RUNDC1: variants seen among roughly 807,000 people sequenced by gnomAD.
RUNDC1 encodes RUN domain containing 1.
In RUNDC1, 31 loss-of-function variants were observed where a neutral mutation model predicts 49.3. That is an observed-to-expected ratio of 0.63 (90% CI 0.47 to 0.85). RUNDC1 has a LOEUF of 0.85. Ranked by LOEUF, RUNDC1 falls within the 40% of genes least tolerant of loss-of-function variation. The pLI, the probability that RUNDC1 is intolerant of heterozygous loss-of-function variation, is 0.00. For missense variants in RUNDC1, 715 were observed against 806.7 expected (o/e 0.89, Z 1.38); for synonymous variants, 347 against 348.6 (o/e 1.00, Z 0.05).
intron 3 of RUNDC1, among the ~76,000 whole-genome samples, 168 bp from the exon 4 acceptor site, chr17:42,990,149 A>G (rs2050219310): frequency 6.6e-6 from 1 of 152,200 alleles, no homozygotes; most frequent in African/African-American, 2.4e-5. Flanking sequence ...CACTTAGCAA[A>G]TATTTATTGA....
At position 42,989,997 on chromosome 17, in the gene RUNDC1, T is replaced by C. The variant is rs544393347; in HGVS notation, c.857-320T>C. ...TGATGGCTTAGTAGGGGAGGCAGCA[T>C]TGGCAGAGTAGAAAGTGCATGGGTT... On this transcript the variant is annotated intron_variant, in intron 3 of 4. Transcript: ENST00000361677. Among the ~76,000 whole-genome samples, 65 of 152,268 alleles carry C rather than the reference T, an allele frequency of 4.3e-4. 2 individuals are homozygous for C. In the South Asian group the frequency reaches 0.013, roughly 31 times the overall value.
rs570193634 is a variant in RUNDC1 at position 42,994,021 on chromosome 17, G to A, written c.*2305G>A. On this transcript the variant is annotated 3_prime_UTR_variant, in exon 5 of 5. Coordinates refer to ENST00000361677, the MANE Select transcript of RUNDC1 (RefSeq NM_173079.5). ...AGTACCGGCGCCTGCCACCACGCCTGGCTAATGTTTGTATTTTTAATAGAG... is the reference window on the plus strand; with the variant it reads ...AGTACCGGCGCCTGCCACCACGCCTAGCTAATGTTTGTATTTTTAATAGAG... Among the ~76,000 whole-genome samples, 1 of 152,274 alleles carries A rather than the reference G, an allele frequency of 6.6e-6. No individual in the cohort carries two copies. The highest frequency in any genetic ancestry group is 1.9e-4 in the East Asian group (1 of 5,176).
Position 42,989,520 on chromosome 17 carries a change from G to A in RUNDC1, c.837G>A (p.Met279Ile). Residue 279 changes from methionine to isoleucine, a missense_variant, in exon 3 of 5, where the codon ATG becomes ATA. Met to Ile is a conservative substitution (Grantham distance 10, BLOSUM62 1). Coordinates refer to ENST00000361677, the MANE Select transcript of RUNDC1 (RefSeq NM_173079.5). Reference sequence around the variant, plus strand: ...AAACTCAGATCCGAGACCTTGAGATGTTTATCAACTTCATCCAAGGTTAGA... The same window carrying A: ...AAACTCAGATCCGAGACCTTGAGATATTTATCAACTTCATCCAAGGTTAGA... ...QLKTQIRDLE[M>I]FINFIQDEVG... 6.2e-7 allele frequency: 1 copy of A among 1,614,176 alleles called. No individual in the cohort carries two copies. Among genetic ancestry groups the A allele is most frequent in the Non-Finnish European group, 8.5e-7 (1 of 1,180,008 alleles).
At position 42,992,821 on chromosome 17, in the gene RUNDC1, C is replaced by T. The variant is rs957349139; in HGVS notation, c.*1105C>T. The stretch of plus-strand genomic sequence containing the variant: ...ACCACAGGTCGATTTTAATACGAGT[C>T]CTTTTTCTTGTAGAGGTAAGTAAAA... On this transcript the variant is annotated 3_prime_UTR_variant, in exon 5 of 5. Transcript: ENST00000361677. 4 of 152,086 alleles carry T rather than the reference C, an allele frequency of 2.6e-5. No homozygotes were observed. The highest frequency in any genetic ancestry group is 9.7e-5 in the African/African-American group (4 of 41,418). 9.4% of individuals were successfully genotyped at this position (152,086 alleles called of 1,614,324 possible). A position where few individuals can be genotyped will look rare whatever the true frequency, so the allele number is the denominator to read the frequency against.
rs144397004 is a variant in RUNDC1 at position 42,985,268 on chromosome 17, T to C, written c.499-1988T>C. Reference sequence around the variant, plus strand: ...TTGTGCCAGACACTGTGCCTGGCATTTGTGGTTCAAAGTCAAAACCTTTGT... The same window carrying C: ...TTGTGCCAGACACTGTGCCTGGCATCTGTGGTTCAAAGTCAAAACCTTTGT... On this transcript the variant is annotated intron_variant, in intron 1 of 4. Transcript: ENST00000361677. Among the ~76,000 whole-genome samples the C allele has an allele frequency of 3.3e-3, 499 of 152,316 alleles. 1 individual carries two copies. Among genetic ancestry groups the C allele is most frequent in the Non-Finnish European group, 5.7e-3 (388 of 68,024 alleles).
Position 42,981,027 on chromosome 17 carries a change from G to T in RUNDC1, c.451G>T (p.Gly151Cys). 6.4e-7 allele frequency: 1 copy of T among 1,554,118 alleles called. No homozygotes were observed. The highest frequency in any genetic ancestry group is 8.6e-7 in the Non-Finnish European group (1 of 1,157,144). The change falls in exon 1 of 5, where the codon GGC (glycine) becomes TGC (cysteine). Residue 151 changes from glycine (G) to cysteine (C), a missense_variant. Gly to Cys is a radical substitution (Grantham distance 159). This residue lies in a region of RUNDC1 where 113 missense variants were observed against 93.4 expected (regional missense o/e 1.21). Coordinates refer to ENST00000361677, the MANE Select transcript of RUNDC1 (RefSeq NM_173079.5). ...EGPGDPASDEGDGLPGDRPWL... is the reference protein window; with the variant it reads ...EGPGDPASDECDGLPGDRPWL... ...GCCCGGCGACCCCGCCAGCGATGAG[G>T]GCGATGGGCTGCCAGGGGACCGGCC...
chr17:42,981,205 A>AC, intron 1 of RUNDC1, 131 bp downstream of exon 1: 2 of 1,231,926 alleles, frequency 1.6e-6, no homozygotes, highest in Admixed American at 2.8e-5. Context: ...TGTGTCGGAG[A>AC]CCAGGGGACT....
At chr17:42,988,013 A>G (rs2050192271) in intron 2 of RUNDC1, among the ~76,000 whole-genome samples, 1 of 152,124 alleles carries the variant, frequency 6.6e-6, no homozygotes, top group African/African-American at 2.4e-5. Context: ...TGGCCTCCCA[A>G]AGTGCTGGGA....
rs1416053689 is a variant in RUNDC1, at chr17:42,987,429, G to A, written c.657+15G>A. The A allele has an allele frequency of 5.0e-6, 8 of 1,613,480 alleles. No homozygotes were observed. The East Asian group carries it at 6.7e-5, about 13-fold the overall frequency. The stretch of plus-strand genomic sequence containing the variant: ...AAAGACAGCGGGTGAGCAGACCCCA[G>A]AGGAACCTCCACCACTGCCCGAGGT... On this transcript the variant is annotated intron_variant, in intron 2 of 4. Transcript: ENST00000361677.
At chr17:42,989,193 T>C in intron 2 of RUNDC1, 148 bp from the exon 3 acceptor site, 1 of 626,084 alleles carries the variant, frequency 1.6e-6, no homozygotes, top group Non-Finnish European at 2.8e-6. Flanking sequence ...CTCACCTTGA[T>C]CAATCAGCAG....
chr17:42,984,002 C>T (rs1468823863), intron 1 of RUNDC1, among the ~76,000 whole-genome samples: 1 of 151,668 alleles, frequency 6.6e-6, no homozygotes, highest in Non-Finnish European at 1.5e-5. Flanking sequence ...TTATTTTCCA[C>T]TCTGTTGCCC....
intron 1 of RUNDC1, among the ~76,000 whole-genome samples, chr17:42,984,185 C>T (rs1352346908): frequency 6.6e-6 from 1 of 151,554 alleles, no homozygotes; most frequent in Non-Finnish European, 1.5e-5. Flanking sequence ...CTATGTTGCT[C>T]AGCTGGTCTC....
In RUNDC1 at chr17:42,994,811, G is replaced by A. The variant is rs2050286644; in HGVS notation, c.*3095G>A. 2.0e-5 allele frequency among the ~76,000 whole-genome samples: 3 copies of A among 152,164 alleles called. No homozygotes were observed. Among genetic ancestry groups the A allele is most frequent in the Admixed American group, 2.0e-4 (3 of 15,276 alleles). ...AACAGAGCTCTGTCCTTCACTTAGG[G>A]TGAGACAGGACAAGGGAGGAGAGGC... On this transcript the variant is annotated 3_prime_UTR_variant, in exon 5 of 5. Transcript: ENST00000361677.
chr17:42,986,567 T>G (rs1474137333), intron 1 of RUNDC1, among the ~76,000 whole-genome samples: 1 of 152,018 alleles, frequency 6.6e-6, no homozygotes, highest in Non-Finnish European at 1.5e-5. Flanking sequence ...GCGCGATCTC[T>G]GCTCACTGCA....
intron 4 of RUNDC1, 131 bp downstream of exon 4, chr17:42,990,567 G>A (rs1279540007): frequency 1.0e-6 from 1 of 984,698 alleles, no homozygotes; most frequent in Non-Finnish European, 1.5e-6. Context: ...TTTTGGGAAG[G>A]ATGAAATATT....
At chr17:42,985,645 C>G in intron 1 of RUNDC1, 2 of 283,636 alleles carry the variant, frequency 7.1e-6, no homozygotes, top group Non-Finnish European at 9.2e-6. Context: ...TTACTTACTT[C>G]TTCAGGGCTT....
In RUNDC1 at chr17:42,991,917, T is replaced by TA. The variant is rs2151961456; in HGVS notation, c.*203dup. 1 of 611,038 alleles carries TA rather than the reference T, an allele frequency of 1.6e-6. No homozygotes were observed. The highest frequency in any genetic ancestry group is 2.8e-6 in the Non-Finnish European group (1 of 355,492). 37.9% of individuals were successfully genotyped at this position (611,038 alleles called of 1,614,324 possible). A position where few individuals can be genotyped will look rare whatever the true frequency, so the allele number is the denominator to read the frequency against. On this transcript the variant is annotated 3_prime_UTR_variant, in exon 5 of 5. Transcript: ENST00000361677. ...AGATGTGCTGGAGGGACCCTCTTGTTAAGAAGGTTCTGCCAGGCCGGGCGC... is the reference window on the plus strand; with the variant it reads ...AGATGTGCTGGAGGGACCCTCTTGTTAAAGAAGGTTCTGCCAGGCCGGGCGC...
At chr17:42,984,439 C>T (rs918563763) in intron 1 of RUNDC1, among the ~76,000 whole-genome samples, 1 of 152,176 alleles carries the variant, frequency 6.6e-6, no homozygotes, top group Non-Finnish European at 1.5e-5. Context: ...TGCCACTATC[C>T]CCGGCTAAAT....
In RUNDC1 at chr17:42,980,677, C is replaced by A; in HGVS notation, c.101C>A (p.Pro34Gln). 1 of 1,577,262 alleles carries A rather than the reference C, an allele frequency of 6.3e-7. No homozygotes were observed. Among genetic ancestry groups the A allele is most frequent in the Non-Finnish European group, 8.6e-7 (1 of 1,164,690 alleles). The stretch of plus-strand genomic sequence containing the variant: ...GAGGAGGAAGAGGAGCCGCTGCCAC[C>A]GTGCGAGGCGGTGCGCTGGGCCCCA... ...EEEEEEEPLP[P>Q]CEAVRWAPVG... is the part of the protein sequence containing the mutation. Residue 34 changes from proline (P) to glutamine (Q), a missense_variant, in exon 1 of 5, where the codon CCG becomes CAG. Around this residue, in one of 5 missense-constraint regions of RUNDC1, gnomAD observed 153 missense variants for 139.4 expected, o/e 1.10. Transcript: ENST00000361677.
Sources: allele counts gnomAD v4.1 joint callset (sites outside exome capture counted in the v4.1 genomes callset), GRCh38; gene constraint gnomAD v4.1.1; regional missense constraint gnomAD v4.1.1; transcripts MANE v1.5; gene names NCBI Gene and HGNC (gene_info 2026-07-23, HGNC 2026-07-21).